SNTG2: variants seen among roughly 807,000 people sequenced by gnomAD.
SNTG2 encodes gamma-2-syntrophin.
SNTG2 carries 74 observed loss-of-function variants against 70.9 expected under a neutral mutation model. That is an observed-to-expected ratio of 1.04 (90% CI 0.86 to 1.27). The LOEUF (loss-of-function observed/expected upper bound fraction) is 1.27. Among genes scored for constraint, SNTG2 ranks in the 50% most tolerant of loss-of-function variants. The pLI, the probability that SNTG2 is intolerant of heterozygous loss-of-function variation, is 0.00. For missense variants in SNTG2, 717 were observed against 690.7 expected (o/e 1.04, Z -0.43); for synonymous variants, 278 against 273.8 (o/e 1.02, Z -0.15).
intron 9 of SNTG2, among the ~76,000 whole-genome samples, chr2:1,222,001 GTC>G (rs1429700384): frequency 2.5e-4 from 1 of 3,966 alleles, no homozygotes. Context: ...CTCTGTCTCT[GTC>G]TCTCTCTGTC....
chr2:1,089,051 G>A (rs2148186925), intron 2 of SNTG2, among the ~76,000 whole-genome samples: 1 of 152,354 alleles, frequency 6.6e-6, no homozygotes, highest in South Asian at 2.1e-4. Flanking sequence ...CTGCAAGGAT[G>A]AACCAGGGCT....
intron 1 of SNTG2, among the ~76,000 whole-genome samples, chr2:989,095 C>G (rs1472316781): frequency 6.6e-6 from 1 of 152,110 alleles, no homozygotes; most frequent in Non-Finnish European, 1.5e-5. Context: ...TTGTGACTGT[C>G]AAACTTGTTT....
intron 1 of SNTG2, among the ~76,000 whole-genome samples, chr2:978,779 G>A (rs1038582996): frequency 3.8e-4 from 58 of 152,288 alleles, no homozygotes; most frequent in African/African-American, 1.3e-3. Flanking sequence ...GGTAAGTCTC[G>A]CAATGAGAAG....
chr2:1,042,936 A>C (rs1661522500), intron 1 of SNTG2, among the ~76,000 whole-genome samples: 1 of 152,172 alleles, frequency 6.6e-6, no homozygotes, highest in Non-Finnish European at 1.5e-5. Context: ...GTAACTTAAG[A>C]AATCTACAGA....
chr2:1,237,425 G>A (rs1676739512), intron 9 of SNTG2, among the ~76,000 whole-genome samples: 1 of 152,034 alleles, frequency 6.6e-6, no homozygotes, highest in South Asian at 2.1e-4. Flanking sequence ...GGAGTGTCAT[G>A]GAGCAGTGGA....
chr2:1,043,653 G>A lies in SNTG2; in HGVS notation c.73-39865G>A, dbSNP rs781215370. Among the ~76,000 whole-genome samples, 4 of 152,030 alleles carry A rather than the reference G, an allele frequency of 2.6e-5. 1 individual carries two copies. Among genetic ancestry groups the A allele is most frequent in the Admixed American group, 2.6e-4 (4 of 15,248 alleles). On this transcript the variant is annotated intron_variant, in intron 1 of 16. Transcript: ENST00000308624. ...TATGGCTAGCCAGTTATCCCAGCAC[G>A]ATTTACTGAATAGGAAGTTCTTTAC...
intron 9 of SNTG2, among the ~76,000 whole-genome samples, chr2:1,212,597 A>C (rs555689511): frequency 2.0e-5 from 3 of 152,338 alleles, no homozygotes; most frequent in South Asian, 2.1e-4. Flanking sequence ...TTTTTAAGCA[A>C]GATTTAGTAT....
intron 14 of SNTG2, among the ~76,000 whole-genome samples, chr2:1,277,001 G>T (rs1679294729): frequency 6.6e-6 from 1 of 152,200 alleles, no homozygotes; most frequent in South Asian, 2.1e-4. Context: ...TTGAATTGCT[G>T]CAATCTCAGG....
At chr2:1,257,515 C>T (rs1194748937) in intron 12 of SNTG2, among the ~76,000 whole-genome samples, 2 of 152,184 alleles carry the variant, frequency 1.3e-5, no homozygotes. Flanking sequence ...ATGATGGATG[C>T]AGCGGAAGGA....
chr2:1,065,166 G>A (rs1663069874), intron 1 of SNTG2, among the ~76,000 whole-genome samples: 1 of 152,118 alleles, frequency 6.6e-6, no homozygotes, highest in African/African-American at 2.4e-5. Context: ...TTGAGAAACA[G>A]GGAGTCTTCA....
intron 7 of SNTG2, among the ~76,000 whole-genome samples, chr2:1,168,772 A>G (rs1216467144): frequency 6.6e-6 from 1 of 152,146 alleles, no homozygotes; most frequent in East Asian, 1.9e-4. Context: ...TCCCTCTGCT[A>G]GAAGGAGCCA....
chr2:1,308,493 G>C lies in SNTG2; in HGVS notation c.1285-1G>C. On this transcript the variant is annotated splice_acceptor_variant, in intron 14 of 16. Transcript: ENST00000308624. LOFTEE classifies it high-confidence loss of function. The stretch of plus-strand genomic sequence containing the variant: ...TTCTCAAAATTGATACTTTTTTCTA[G>C]TCCAGAACATACATGTGCAGCTGGC... 1 of 1,550,834 alleles carries C rather than the reference G, an allele frequency of 6.4e-7. No homozygotes were observed.
At chr2:1,303,703 T>C (rs767798783) in intron 14 of SNTG2, among the ~76,000 whole-genome samples, 2 of 151,988 alleles carry the variant, frequency 1.3e-5, no homozygotes, top group Admixed American at 6.6e-5. Context: ...ATTTGGCAAA[T>C]GTTTAGAAGA....
chr2:1,155,164 C>T (rs1357959689), intron 6 of SNTG2, among the ~76,000 whole-genome samples: 9 of 52,130 alleles, frequency 1.7e-4, no homozygotes, highest in South Asian at 7.6e-4. Context: ...CACACACACA[C>T]GTAGACCCCC....
chr2:956,661 C>T (rs923589734), intron 1 of SNTG2, among the ~76,000 whole-genome samples: 6 of 152,252 alleles, frequency 3.9e-5, no homozygotes, highest in African/African-American at 1.2e-4. Flanking sequence ...TCCCCTGCTG[C>T]TGTGAGCCCG....
At chr2:1,157,418 A>G (rs1669974916) in intron 6 of SNTG2, among the ~76,000 whole-genome samples, 1 of 152,196 alleles carries the variant, frequency 6.6e-6, no homozygotes, top group Non-Finnish European at 1.5e-5. Flanking sequence ...GTACTTGGCA[A>G]AAGCCCCCCA....
intron 7 of SNTG2, among the ~76,000 whole-genome samples, chr2:1,167,044 T>C (rs1670755501): frequency 6.6e-6 from 1 of 152,214 alleles, no homozygotes. Flanking sequence ...CTGATTCTTC[T>C]GGTATGCTAA....
chr2:1,120,938 TAGC>T (rs1667337255), intron 4 of SNTG2, among the ~76,000 whole-genome samples: 1 of 151,956 alleles, frequency 6.6e-6, no homozygotes, highest in Non-Finnish European at 1.5e-5. Flanking sequence ...TTCCATGCAA[TAGC>T]AGCAAAATAC....
intron 8 of SNTG2, among the ~76,000 whole-genome samples, chr2:1,206,528 C>CAG (rs1673644305): frequency 6.6e-6 from 1 of 152,200 alleles, no homozygotes; most frequent in African/African-American, 2.4e-5. Flanking sequence ...CATTAGCTCA[C>CAG]AGAGACCTGA....
Sources: allele counts gnomAD v4.1 joint callset (sites outside exome capture counted in the v4.1 genomes callset), GRCh38; gene constraint gnomAD v4.1.1; transcripts MANE v1.5; gene names NCBI Gene and HGNC (gene_info 2026-07-23, HGNC 2026-07-21).